Variants in ECPAS observed in about 807,000 individuals in gnomAD.
ECPAS encodes the protein proteasome adapter and scaffold protein ECM29.
A neutral mutation model predicts 255.1 loss-of-function variants in ECPAS; 70 were observed. The ratio of observed to expected loss-of-function variants is 0.27; its 90% CI spans 0.23 to 0.33. The LOEUF (loss-of-function observed/expected upper bound fraction) is 0.33. Among genes scored for constraint, ECPAS ranks in the 10% least tolerant of loss-of-function variants. The pLI, the probability that ECPAS is intolerant of heterozygous loss-of-function variation, is 1.00. For synonymous variants in ECPAS, 784 were observed against 775.0 expected (o/e 1.01, Z -0.19); for missense variants, 1,817 against 2,206.4 (o/e 0.82, Z 3.54).
rs10980901 is a variant in ECPAS at position 111,459,219 on chromosome 9, T to C, written c.23-7664A>G. Among the ~76,000 whole-genome samples, 333 of 152,180 alleles carry C rather than the reference T, an allele frequency of 2.2e-3. 1 individual carries two copies. The highest frequency in any genetic ancestry group is 5.9e-3 in the African/African-American group (247 of 41,548). ...TTAATTTTACCTTTTTCTTTTTTTT[T>C]CCCCTTAAGCTCAGTGGCAAGAAGA... On this transcript the variant is annotated intron_variant, in intron 2 of 49. Coordinates refer to ENST00000684092, the MANE Select transcript of ECPAS (RefSeq NM_001364929.1).
chr9:111,472,423 G>A (rs554829105), intron 2 of ECPAS, among the ~76,000 whole-genome samples: 6 of 151,890 alleles, frequency 4.0e-5, no homozygotes, highest in Non-Finnish European at 7.4e-5. Context: ...TAGGTGGATC[G>A]CCTGAGCCCA....
intron 35 of ECPAS, among the ~76,000 whole-genome samples, chr9:111,382,259 A>ATT (rs2098141516): frequency 3.7e-5 from 4 of 106,932 alleles, no homozygotes; most frequent in African/African-American, 1.7e-4. Context: ...AAAAAGTGAT[A>ATT]CTTTTTTTTT....
rs2098258182 is a variant in ECPAS, at chr9:111,449,995, T to C, written c.153+1430A>G. The stretch of plus-strand genomic sequence containing the variant: ...GAGGCCTCCCCTTATACCCCACACT[T>C]AGTCTAAATTATATCCCAAATATAT... On this transcript the variant is annotated intron_variant, in intron 3 of 49. Transcript: ENST00000684092. Among the ~76,000 whole-genome samples the C allele has an allele frequency of 2.6e-5, 4 of 152,124 alleles. 1 individual carries two copies.
At chr9:111,434,422 T>A (rs943974058) in intron 7 of ECPAS, among the ~76,000 whole-genome samples, 1 of 152,170 alleles carries the variant, frequency 6.6e-6, no homozygotes, top group Non-Finnish European at 1.5e-5. Context: ...TAAAAAGAAT[T>A]ACTTTTTTAA....
At chr9:111,370,305 G>C (rs1322044886) in intron 45 of ECPAS, 130 bp downstream of exon 45, 53 of 618,644 alleles carry the variant, frequency 8.6e-5, no homozygotes, top group Non-Finnish European at 5.6e-6. Flanking sequence ...TCTTGTTTAA[G>C]GCCGTATTTT....
rs140934203 is a variant in ECPAS at position 111,390,976 on chromosome 9, A to G, written c.3161+780T>C. Reference sequence around the variant, plus strand: ...CTGTTGGCCTAGTCAGTCTCCCACAACTGCCCTGAGAGCCCAACATCATGG... The same window carrying G: ...CTGTTGGCCTAGTCAGTCTCCCACAGCTGCCCTGAGAGCCCAACATCATGG... On this transcript the variant is annotated intron_variant, in intron 29 of 49. Coordinates refer to ENST00000684092, the MANE Select transcript of ECPAS (RefSeq NM_001364929.1). Among the ~76,000 whole-genome samples, 52 of 152,306 alleles carry G rather than the reference A, an allele frequency of 3.4e-4. No individual in the cohort carries two copies. In the East Asian group the frequency reaches 9.5e-3, roughly 28 times the overall value.
At chr9:111,427,997 T>C (rs1311316825) in intron 10 of ECPAS, 45 bp downstream of exon 10, 8 of 1,580,730 alleles carry the variant, frequency 5.1e-6, no homozygotes, top group Non-Finnish European at 6.9e-6. Context: ...TAAATAGACA[T>C]AAAAGTTGCA....
Position 111,414,448 on chromosome 9 carries a change from C to T in ECPAS, c.1968G>A (p.Gln656=). ...TCCTACCTCCAACACCTGCTAACAG[C>T]TGCTGAAGCAGGCCAATGTAGATCT... is the stretch of plus-strand genomic sequence containing the variant. The part of the protein sequence containing the change: ...PVQIYIGLLQ[Q]LLAGVGGLPV... Residue 656 remains glutamine, a synonymous_variant, in exon 19 of 50, where the codon CAG becomes CAA. Transcript: ENST00000684092. The T allele has an allele frequency of 1.2e-6, 2 of 1,613,892 alleles. No homozygotes were observed. The highest frequency in any genetic ancestry group is 2.2e-5 in the South Asian group (2 of 91,080).
intron 1 of ECPAS, among the ~76,000 whole-genome samples, chr9:111,482,739 T>C (rs1308780661): frequency 1.3e-5 from 2 of 152,096 alleles, no homozygotes; most frequent in Non-Finnish European, 1.5e-5. Flanking sequence ...CTATGTCCTA[T>C]GAAACTTCGG....
chr9:111,419,501 TC>T (rs1338004623), intron 16 of ECPAS, among the ~76,000 whole-genome samples: 1 of 152,068 alleles, frequency 6.6e-6, no homozygotes, highest in Admixed American at 6.6e-5. Flanking sequence ...ATTTAAACAT[TC>T]TTTTAAAAAG....
intron 17 of ECPAS, among the ~76,000 whole-genome samples, chr9:111,417,099 G>C (rs1460808540): frequency 6.6e-6 from 1 of 152,014 alleles, no homozygotes; most frequent in Non-Finnish European, 1.5e-5. Flanking sequence ...AATTAGCCAG[G>C]CACGGTGGTG....
At chr9:111,477,021 C>G (rs1254618907) in intron 1 of ECPAS, among the ~76,000 whole-genome samples, 1 of 151,532 alleles carries the variant, frequency 6.6e-6, no homozygotes, top group African/African-American at 2.4e-5. Context: ...AGGCTGGTCT[C>G]GAACTCCCAA....
intron 2 of ECPAS, among the ~76,000 whole-genome samples, chr9:111,464,548 A>G (rs1054419341): frequency 6.6e-5 from 10 of 152,220 alleles, no homozygotes; most frequent in Admixed American, 5.2e-4. Flanking sequence ...TCTAAATATC[A>G]GTCAACATGA....
intron 47 of ECPAS, 44 bp downstream of exon 47, chr9:111,366,478 G>A: frequency 6.9e-7 from 1 of 1,447,284 alleles, no homozygotes. Flanking sequence ...ATAAAATGCT[G>A]CGGGGAGGAA....
At chr9:111,398,185 G>A (rs138371108) in intron 24 of ECPAS, among the ~76,000 whole-genome samples, 6 of 152,172 alleles carry the variant, frequency 3.9e-5, no homozygotes, top group South Asian at 2.1e-4. Flanking sequence ...GAGGCATCAC[G>A]TACTAATGCC....
chr9:111,417,748 A>G lies in ECPAS; in HGVS notation c.1683+135T>C. ...GCAACAAGAGCGAAGCTCCATCTCA[A>G]AAAAAAAAAAGAAAAGAAAAGAAAA... On this transcript the variant is annotated intron_variant, in intron 17 of 49. Coordinates refer to ENST00000684092, the MANE Select transcript of ECPAS (RefSeq NM_001364929.1). The G allele has an allele frequency of 4.5e-6, 4 of 891,340 alleles. No homozygotes were observed. The South Asian group carries it at 8.9e-5, about 20-fold the overall frequency. 55.2% of individuals were successfully genotyped at this position (891,340 alleles called of 1,614,324 possible).
intron 2 of ECPAS, among the ~76,000 whole-genome samples, chr9:111,466,948 C>T (rs963451320): frequency 1.3e-5 from 2 of 152,140 alleles, no homozygotes; most frequent in Non-Finnish European, 2.9e-5. Context: ...TTATCTTATT[C>T]GCCTGTCTTT....
chr9:111,409,648 T>G (rs578209924), intron 23 of ECPAS, among the ~76,000 whole-genome samples: 4 of 152,224 alleles, frequency 2.6e-5, no homozygotes, highest in Admixed American at 2.6e-4. Context: ...ACCTCAAAAT[T>G]GAGGTGTTTT....
chr9:111,455,553 C>G (rs2131986623), intron 2 of ECPAS, among the ~76,000 whole-genome samples: 1 of 152,338 alleles, frequency 6.6e-6, no homozygotes, highest in East Asian at 1.9e-4. Flanking sequence ...ATCTGGAAAC[C>G]TGGATTTCAG....
Sources: gnomAD v4.1 joint callset for allele counts (sites outside exome capture counted in the v4.1 genomes callset) on GRCh38, gnomAD v4.1.1 for gene constraint, MANE v1.5 for transcripts, NCBI Gene and HGNC (gene_info 2026-07-23, HGNC 2026-07-21) for gene names.